Variants in CNTNAP2 observed in about 807,000 individuals in gnomAD.
CNTNAP2 encodes contactin associated protein 2.
A neutral mutation model predicts 155.2 loss-of-function variants in CNTNAP2; 98 were observed. The observed-to-expected ratio is 0.63, with a 90% confidence interval of 0.54 to 0.75. CNTNAP2 has a LOEUF of 0.75. Among genes scored for constraint, CNTNAP2 ranks in the 30% least tolerant of loss-of-function variants. The pLI is 0.00. For synonymous variants in CNTNAP2, 651 were observed against 631.2 expected (o/e 1.03, Z -0.47); for missense variants, 1,727 against 1,688.1 (o/e 1.02, Z -0.40).
At chr7:148,278,431 G>T (rs925030757) in intron 21 of CNTNAP2, among the ~76,000 whole-genome samples, 3 of 152,080 alleles carry the variant, frequency 2.0e-5, no homozygotes, top group African/African-American at 7.2e-5. Context: ...TTAGCCGGGC[G>T]TGGTGGTGGT....
At chr7:147,255,595 T>C (rs754684684) in intron 8 of CNTNAP2, among the ~76,000 whole-genome samples, 8 of 152,006 alleles carry the variant, frequency 5.3e-5, no homozygotes, top group Admixed American at 1.3e-4. Context: ...TCTTATTCTA[T>C]AATTTTGCAC....
At chr7:146,258,867 C>A (rs1563011697) in intron 1 of CNTNAP2, among the ~76,000 whole-genome samples, 1 of 152,132 alleles carries the variant, frequency 6.6e-6, no homozygotes, top group Non-Finnish European at 1.5e-5. Context: ...TGAAAAATTA[C>A]AAATAAGCCA....
At chr7:146,797,507 A>G (rs768211788) in intron 2 of CNTNAP2, among the ~76,000 whole-genome samples, 7 of 152,206 alleles carry the variant, frequency 4.6e-5, no homozygotes, top group Non-Finnish European at 1.0e-4. Context: ...CTTGTGGAGG[A>G]TGAACTGAAT....
In CNTNAP2 at chr7:147,924,623, C is replaced by A. The variant is rs1187696962; in HGVS notation, c.2255+20902C>A. Among the ~76,000 whole-genome samples the A allele has an allele frequency of 3.9e-5, 6 of 152,222 alleles. No homozygotes were observed. In the East Asian group the frequency reaches 9.7e-4, roughly 24 times the overall value. ...AATCTGATGCTGCAGCCATGATACT[C>A]CACCTCCTGTAGAGAAAAGGGGAAT... On this transcript the variant is annotated intron_variant, in intron 14 of 23. Transcript: ENST00000361727.
chr7:148,153,904 C>A (rs933489092), intron 17 of CNTNAP2, among the ~76,000 whole-genome samples: 1 of 152,176 alleles, frequency 6.6e-6, no homozygotes, highest in Non-Finnish European at 1.5e-5. Flanking sequence ...TAGACACTAG[C>A]CAGAGCATGC....
chr7:147,132,003 C>A (rs750578540), intron 7 of CNTNAP2, among the ~76,000 whole-genome samples: 3 of 152,052 alleles, frequency 2.0e-5, no homozygotes, highest in Admixed American at 6.6e-5. Flanking sequence ...CTGTCAATCC[C>A]ATGGTGGAAG....
At chr7:146,654,767 T>C (rs1799968240) in intron 1 of CNTNAP2, among the ~76,000 whole-genome samples, 1 of 151,476 alleles carries the variant, frequency 6.6e-6, no homozygotes, top group Admixed American at 6.6e-5. Flanking sequence ...ATTTTAGGGA[T>C]TTTTTGTACT....
chr7:147,482,755 T>C (rs1385856619), intron 10 of CNTNAP2, among the ~76,000 whole-genome samples: 2 of 136,386 alleles, frequency 1.5e-5, no homozygotes, highest in Non-Finnish European at 3.1e-5. Context: ...AATAAATAAA[T>C]AAATAATCGG....
intron 11 of CNTNAP2, among the ~76,000 whole-genome samples, chr7:147,532,575 G>A (rs770089943): frequency 3.4e-4 from 51 of 152,110 alleles, no homozygotes; most frequent in Non-Finnish European, 2.5e-4. Flanking sequence ...TTTCAGCAGC[G>A]CCCCACTCTA....
chr7:148,172,027 C>T (rs764128958), intron 17 of CNTNAP2, among the ~76,000 whole-genome samples: 29 of 152,252 alleles, frequency 1.9e-4, no homozygotes, highest in African/African-American at 6.0e-4. Context: ...CTGTAGGAAA[C>T]GTGTTGCTTC....
rs561852388 is a variant in CNTNAP2, at chr7:146,278,621, G to A, written c.97+161648G>A. On this transcript the variant is annotated intron_variant, in intron 1 of 23. Coordinates refer to ENST00000361727, the MANE Select transcript of CNTNAP2 (RefSeq NM_014141.6). ...TCTTAGTATAAAAAGGTAACTAAAA[G>A]CACAGCTTCACTCAAACATAAATTA... 8.5e-5 allele frequency among the ~76,000 whole-genome samples: 13 copies of A among 152,258 alleles called. No individual in the cohort carries two copies. In the South Asian group the frequency reaches 2.5e-3, roughly 29 times the overall value.
chr7:146,298,091 T>C (rs1800544872), intron 1 of CNTNAP2, among the ~76,000 whole-genome samples: 1 of 152,178 alleles, frequency 6.6e-6, no homozygotes. Flanking sequence ...AAGGAAACTA[T>C]TGGTTTTCTT....
At chr7:148,249,115 C>T (rs1238987207) in intron 20 of CNTNAP2, among the ~76,000 whole-genome samples, 1 of 152,190 alleles carries the variant, frequency 6.6e-6, no homozygotes, top group African/African-American at 2.4e-5. Context: ...GGATACAACT[C>T]CTTTGCCAGA....
intron 17 of CNTNAP2, among the ~76,000 whole-genome samples, chr7:148,163,108 G>A (rs540026893): frequency 1.3e-5 from 2 of 152,320 alleles, no homozygotes; most frequent in African/African-American, 4.8e-5. Flanking sequence ...ATGTCTAGAA[G>A]CATATCAGAC....
chr7:147,574,540 C>T (rs905242825), intron 12 of CNTNAP2, among the ~76,000 whole-genome samples: 3 of 152,078 alleles, frequency 2.0e-5, no homozygotes, highest in Non-Finnish European at 4.4e-5. Context: ...GCAGAGGAAG[C>T]TGAGTGTTCC....
rs74785209 is a variant in CNTNAP2 at position 147,239,510 on chromosome 7, C to CAA, written c.1349-60615_1349-60614dup. Among the ~76,000 whole-genome samples the CAA allele has an allele frequency of 4.4e-3, 330 of 74,934 alleles. 1 individual carries two copies. The highest frequency in any genetic ancestry group is 0.014 in the African/African-American group (309 of 21,694). The allele number at this position is 74,934 out of a possible 152,430, so 49.2% of individuals were successfully genotyped here. A position where few individuals can be genotyped will look rare whatever the true frequency, so the allele number is the denominator to read the frequency against. On this transcript the variant is annotated intron_variant, in intron 8 of 23. Coordinates refer to ENST00000361727, the MANE Select transcript of CNTNAP2 (RefSeq NM_014141.6). Reference sequence around the variant, plus strand: ...GGGCAATAGAGCGAGACTCCGTTTCCAAAAAAAAAAAAAAAAAGGACACTT... The same window carrying CAA: ...GGGCAATAGAGCGAGACTCCGTTTCCAAAAAAAAAAAAAAAAAAAGGACACTT...
intron 13 of CNTNAP2, among the ~76,000 whole-genome samples, chr7:147,683,550 A>G (rs1795977162): frequency 6.6e-6 from 1 of 151,862 alleles, no homozygotes; most frequent in Non-Finnish European, 1.5e-5. Flanking sequence ...ATGTGTAAAG[A>G]TACTGGTATG....
rs192614658 is a variant in CNTNAP2 at position 147,935,328 on chromosome 7, T to C, written c.2255+31607T>C. On this transcript the variant is annotated intron_variant, in intron 14 of 23. Coordinates refer to ENST00000361727, the MANE Select transcript of CNTNAP2 (RefSeq NM_014141.6). ...TTTTAGTAGAGACGGGGTTTCACCA[T>C]GTTGGCCAGAATGGTCTTGATCTCT... Among the ~76,000 whole-genome samples the C allele has an allele frequency of 2.0e-5, 3 of 152,280 alleles. No individual in the cohort carries two copies. In the East Asian group the frequency reaches 5.8e-4, roughly 29 times the overall value.
intron 3 of CNTNAP2, among the ~76,000 whole-genome samples, chr7:146,913,385 GA>G (rs1389852963): frequency 1.3e-5 from 2 of 152,114 alleles, no homozygotes; most frequent in Non-Finnish European, 2.9e-5. Context: ...GAAAAAGTTT[GA>G]TGAAAATTTT....
Sources: gnomAD v4.1 joint callset for allele counts (sites outside exome capture counted in the v4.1 genomes callset) on GRCh38, gnomAD v4.1.1 for gene constraint, MANE v1.5 for transcripts, NCBI Gene and HGNC (gene_info 2026-07-23, HGNC 2026-07-21) for gene names.